The following GPATCH2L variants were observed in gnomAD, a reference collection of about 807,000 sequenced individuals.
The protein encoded by GPATCH2L is G-patch domain containing 2 like.
Under a neutral mutation model 57.4 loss-of-function variants are expected in GPATCH2L, and 31 were observed. That is an observed-to-expected ratio of 0.54 (90% CI 0.41 to 0.73). GPATCH2L has a LOEUF of 0.73. GPATCH2L is among the 30% of genes least tolerant of loss of function. The probability of loss-of-function intolerance (pLI) is 0.00; values close to 1 mark genes in which losing one functional copy is unlikely to be tolerated. For synonymous variants in GPATCH2L, 199 were observed against 210.7 expected (o/e 0.94, Z 0.48); for missense variants, 481 against 599.9 (o/e 0.80, Z 2.07).
intron 2 of GPATCH2L, among the ~76,000 whole-genome samples, chr14:76,231,134 A>G (rs151135585): frequency 1.1e-3 from 169 of 152,320 alleles, no homozygotes; most frequent in African/African-American, 3.9e-3. Flanking sequence ...CATTCTGCCA[A>G]TAACAGAAGC....
At chr14:76,219,009 A>C (rs1224782462), downstream of GPATCH2L, among the ~76,000 whole-genome samples, 1 of 148,666 alleles carries the variant, frequency 6.7e-6, no homozygotes, top group African/African-American at 2.6e-5. Flanking sequence ...AAAGTACAAA[A>C]AAAAAAAAAA....
chr14:76,189,208 A>C (rs959985292), intron 8 of GPATCH2L, among the ~76,000 whole-genome samples: 2 of 151,980 alleles, frequency 1.3e-5, no homozygotes, highest in Non-Finnish European at 2.9e-5. Context: ...GCTGCATATA[A>C]ATTTTTGGAT....
In GPATCH2L at chr14:76,210,733, G is replaced by C. The variant is rs2040431922; in HGVS notation, c.*8882G>C. The C allele has an allele frequency of 6.6e-6, 1 of 152,232 alleles. No homozygotes were observed. The highest frequency in any genetic ancestry group is 2.4e-5 in the African/African-American group (1 of 41,458). The allele number at this position is 152,232 out of a possible 1,614,324, so 9.4% of individuals were successfully genotyped here. Reference sequence around the variant, plus strand: ...CCTAAGTGAGGGGGATATGTGTTCTGAGATGTTAATGTTAGTGATAGACTG... The same window carrying C: ...CCTAAGTGAGGGGGATATGTGTTCTCAGATGTTAATGTTAGTGATAGACTG... On this transcript the variant is annotated 3_prime_UTR_variant, in exon 10 of 10. Coordinates refer to ENST00000261530, the MANE Select transcript of GPATCH2L (RefSeq NM_017926.4).
At chr14:76,223,779 A>C (rs1003142899) in intron 1 of GPATCH2L, among the ~76,000 whole-genome samples, 1 of 152,230 alleles carries the variant, frequency 6.6e-6, no homozygotes, top group Non-Finnish European at 1.5e-5. Context: ...AAAAGACTCG[A>C]GTAAGCATTT....
chr14:76,201,971 A>G lies in GPATCH2L; in HGVS notation c.*120A>G. On this transcript the variant is annotated 3_prime_UTR_variant, in exon 10 of 10. Transcript: ENST00000261530. ...CCCAGTCCTTTCACCACCAGAACCA[A>G]CTCCTCTTTCAAACACAGCAGTGGA... 1.4e-6 allele frequency: 1 copy of G among 723,652 alleles called. No individual in the cohort carries two copies. The allele number at this position is 723,652 out of a possible 1,614,324, so 44.8% of individuals were successfully genotyped here.
At chr14:76,177,348 T>C (rs1448268305) in intron 6 of GPATCH2L, among the ~76,000 whole-genome samples, 1 of 152,126 alleles carries the variant, frequency 6.6e-6, no homozygotes, top group Non-Finnish European at 1.5e-5. Flanking sequence ...GCCCAACCTG[T>C]GAAATATCTT....
chr14:76,217,140 A>G (rs913054414), downstream of GPATCH2L, among the ~76,000 whole-genome samples: 1 of 152,206 alleles, frequency 6.6e-6, no homozygotes, highest in Non-Finnish European at 1.5e-5. Flanking sequence ...AGCAAGCCAC[A>G]TAGCCTGTAG....
intron 4 of GPATCH2L, 35 bp downstream of exon 4, chr14:76,172,054 T>A (rs766538170): frequency 7.0e-7 from 1 of 1,433,666 alleles, no homozygotes; most frequent in South Asian, 1.3e-5. Flanking sequence ...TTAATGCTTT[T>A]ATGGTTCTCC....
chr14:76,199,274 G>A (rs1368291654), intron 9 of GPATCH2L, among the ~76,000 whole-genome samples: 2 of 151,822 alleles, frequency 1.3e-5, no homozygotes, highest in Non-Finnish European at 2.9e-5. Context: ...TTTATCGTTT[G>A]TCATTCTTTT....
At chr14:76,184,292 A>G (rs1207578843) in intron 8 of GPATCH2L, among the ~76,000 whole-genome samples, 5 of 151,978 alleles carry the variant, frequency 3.3e-5, no homozygotes, top group Non-Finnish European at 7.4e-5. Context: ...CTTTTTTCAC[A>G]TGCCTATAAT....
intron 1 of GPATCH2L, among the ~76,000 whole-genome samples, chr14:76,226,053 G>A (rs1012673237): frequency 6.6e-6 from 1 of 152,192 alleles, no homozygotes; most frequent in Non-Finnish European, 1.5e-5. Flanking sequence ...ATTTGACAAT[G>A]TTTATTAAAG....
rs1250211925 is a variant in GPATCH2L at position 76,211,281 on chromosome 14, C to G, written c.*9430C>G. On this transcript the variant is annotated 3_prime_UTR_variant, in exon 10 of 10. Coordinates refer to ENST00000261530, the MANE Select transcript of GPATCH2L (RefSeq NM_017926.4). ...GAGTTGGAGAACTATTGCCGTATTC[C>G]TCTGCTAAGCTCAGGGTGCATTCGT... 1 of 152,210 alleles carries G rather than the reference C, an allele frequency of 6.6e-6. No individual in the cohort carries two copies. Among genetic ancestry groups the G allele is most frequent in the African/African-American group, 2.4e-5 (1 of 41,436 alleles). The allele number at this position is 152,210 out of a possible 1,614,324, so 9.4% of individuals were successfully genotyped here.
At position 76,180,793 on chromosome 14, in the gene GPATCH2L, G is replaced by C. The variant is rs1353822301; in HGVS notation, c.1137G>C (p.Leu379=). The change falls in exon 8 of 10, where the codon CTG becomes CTC. Residue 379 remains leucine (L), a synonymous_variant. Coordinates refer to ENST00000261530, the MANE Select transcript of GPATCH2L (RefSeq NM_017926.4). ...ATCCCCTGTCTCCCCTTTACTCCCT[G>C]GATGTTCTTGCCGATGCTTCTCACC... is the stretch of plus-strand genomic sequence containing the variant. ...EFNPLSPLYS[L]DVLADASHRR... The C allele has an allele frequency of 2.5e-6, 4 of 1,613,086 alleles. No homozygotes were observed. Among genetic ancestry groups the C allele is most frequent in the Non-Finnish European group, 3.4e-6 (4 of 1,179,140 alleles).
chr14:76,178,859 C>A (rs1020960202), intron 7 of GPATCH2L: 1 of 152,318 alleles, frequency 6.6e-6, no homozygotes, highest in Admixed American at 6.5e-5. Flanking sequence ...CTGGCTACCC[C>A]CTGAGGGGCC....
intron 2 of GPATCH2L, among the ~76,000 whole-genome samples, chr14:76,230,988 T>C (rs1225510079): frequency 6.6e-6 from 1 of 152,252 alleles, no homozygotes; most frequent in African/African-American, 2.4e-5. Context: ...TTTTTTATAC[T>C]TGCCCTAAAC....
At position 76,207,492 on chromosome 14, in the gene GPATCH2L, G is replaced by A. The variant is rs1566821984; in HGVS notation, c.*5641G>A. On this transcript the variant is annotated 3_prime_UTR_variant, in exon 10 of 10. Coordinates refer to ENST00000261530, the MANE Select transcript of GPATCH2L (RefSeq NM_017926.4). Reference sequence around the variant, plus strand: ...GAAAGTATCATGTATTTTCCAGCATGATAATGATGAATCATTTAAAGTACG... The same window carrying A: ...GAAAGTATCATGTATTTTCCAGCATAATAATGATGAATCATTTAAAGTACG... 6.6e-6 allele frequency: 1 copy of A among 151,202 alleles called. No homozygotes were observed. The highest frequency in any genetic ancestry group is 2.4e-5 in the African/African-American group (1 of 41,032). The allele number at this position is 151,202 out of a possible 1,614,324, so 9.4% of individuals were successfully genotyped here. A position where few individuals can be genotyped will look rare whatever the true frequency, so the allele number is the denominator to read the frequency against.
chr14:76,191,480 A>G (rs1336557630), intron 8 of GPATCH2L, among the ~76,000 whole-genome samples: 1 of 151,998 alleles, frequency 6.6e-6, no homozygotes, highest in Non-Finnish European at 1.5e-5. Flanking sequence ...TGCCAACCCC[A>G]CATGTAATAT....
chr14:76,161,176 A>G (rs898666564), intron 2 of GPATCH2L, among the ~76,000 whole-genome samples: 3 of 152,148 alleles, frequency 2.0e-5, no homozygotes, highest in Non-Finnish European at 4.4e-5. Flanking sequence ...AAACTGGAAA[A>G]CGATAGAACA....
At chr14:76,219,512 C>T (rs2040504630) in intron 1 of GPATCH2L, among the ~76,000 whole-genome samples, 2 of 152,238 alleles carry the variant, frequency 1.3e-5, no homozygotes, top group South Asian at 4.1e-4. Context: ...AGGTTCATTA[C>T]ATTTTTAAAC....
Sources: gnomAD v4.1 joint callset for allele counts (sites outside exome capture counted in the v4.1 genomes callset) on GRCh38, gnomAD v4.1.1 for gene constraint, MANE v1.5 for transcripts, NCBI Gene and HGNC (gene_info 2026-07-23, HGNC 2026-07-21) for gene names.